The following NCAPD3 variants were observed in gnomAD, a reference collection of about 807,000 sequenced individuals.
NCAPD3 encodes condensin-2 complex subunit D3.
A neutral mutation model predicts 182.9 loss-of-function variants in NCAPD3; 105 were observed. The ratio of observed to expected loss-of-function variants is 0.57; its 90% CI spans 0.49 to 0.68. NCAPD3 has a LOEUF of 0.68. NCAPD3 is among the 30% of genes least tolerant of loss of function. NCAPD3 has a pLI of 0.00. For missense variants in NCAPD3, 1,944 were observed against 1,837.0 expected (o/e 1.06, Z -1.07); for synonymous variants, 815 against 679.9 (o/e 1.20, Z -3.09).
At position 134,192,733 on chromosome 11, in the gene NCAPD3, G is replaced by A; in HGVS notation, c.2001C>T (p.Ala667=). 1.2e-6 allele frequency: 2 copies of A among 1,614,224 alleles called. No homozygotes were observed. Among genetic ancestry groups the A allele is most frequent in the African/African-American group, 2.7e-5 (2 of 75,064 alleles). ...FHSGDDSQVL[A]WALLTLLTTE... ...TGGTGAGGAGAGTAAGAAGCGCCCA[G>A]GCGAGGACCTGGCTGTCGTCCCCAG... The change falls in exon 16 of 35, where the codon GCC becomes GCT. Residue 667 remains alanine (A), a synonymous_variant. Transcript: ENST00000534548.
At chr11:134,170,210 T>C (rs562260431) in intron 24 of NCAPD3, among the ~76,000 whole-genome samples, 2 of 152,354 alleles carry the variant, frequency 1.3e-5, no homozygotes, top group East Asian at 3.9e-4. Context: ...GGGAGCAGCT[T>C]GACCTAGAAA....
At chr11:134,210,720 T>G (rs1490617494) in intron 3 of NCAPD3, among the ~76,000 whole-genome samples, 1 of 152,008 alleles carries the variant, frequency 6.6e-6, no homozygotes, top group Non-Finnish European at 1.5e-5. Context: ...GGGCAAAAAT[T>G]TATAAAGTAA....
At chr11:134,214,975 A>G (rs1937963226) in intron 3 of NCAPD3, among the ~76,000 whole-genome samples, 1 of 152,248 alleles carries the variant, frequency 6.6e-6, no homozygotes, top group Non-Finnish European at 1.5e-5. Flanking sequence ...ACAAAATATT[A>G]GCAAACACTC....
At chr11:134,173,165 G>A (rs1944059644) in intron 24 of NCAPD3, 1 of 153,004 alleles carries the variant, frequency 6.5e-6, no homozygotes, top group Admixed American at 6.5e-5. Context: ...TGCAGCCTGT[G>A]GCCAACAGCT....
rs1245106386 is a variant in NCAPD3, at chr11:134,178,829, A to G, written c.2667T>C (p.Ala889=). The G allele has an allele frequency of 6.2e-7, 1 of 1,614,010 alleles. No homozygotes were observed. Among genetic ancestry groups the G allele is most frequent in the East Asian group, 2.2e-5 (1 of 44,902 alleles). Residue 889 remains alanine, a synonymous_variant, in exon 21 of 35, where the codon GCT becomes GCC. Transcript: ENST00000534548. ...IQSVLASSAD[A]DHSPSSQGSS... is the part of the protein sequence containing the mutation. ...TGATTTCAAATGCCTTACAGTGGTC[A>G]GCATCAGCAGACGAAGCCAGGACGG...
chr11:134,201,026 A>ATTT (rs566027829), intron 13 of NCAPD3, among the ~76,000 whole-genome samples: 1 of 140,170 alleles, frequency 7.1e-6, no homozygotes, highest in Non-Finnish European at 1.6e-5. Flanking sequence ...AGAATAGGCA[A>ATTT]TTTTTTTTTT....
At position 134,151,133 on chromosome 11, in the gene NCAPD3, T is replaced by C. The variant is rs1301895997; in HGVS notation, c.*1811A>G. The stretch of plus-strand genomic sequence containing the variant: ...CCACTGTGTGCCTGGAGAATGGCTC[T>C]CACTACTCACCTTGTCTTTCAGCTT... On this transcript the variant is annotated 3_prime_UTR_variant, in exon 35 of 35. Coordinates refer to ENST00000534548, the MANE Select transcript of NCAPD3 (RefSeq NM_015261.3). The C allele has an allele frequency of 6.6e-6, 1 of 152,314 alleles. No homozygotes were observed. Among genetic ancestry groups the C allele is most frequent in the East Asian group, 1.9e-4 (1 of 5,202 alleles). The allele number at this position is 152,314 out of a possible 1,614,324, so 9.4% of individuals were successfully genotyped here. A position where few individuals can be genotyped will look rare whatever the true frequency, so the allele number is the denominator to read the frequency against.
intron 15 of NCAPD3, 61 bp downstream of exon 15, chr11:134,193,955 G>A: frequency 2.6e-6 from 4 of 1,511,930 alleles, no homozygotes; most frequent in Non-Finnish European, 2.7e-6. Context: ...GGTAATTATT[G>A]TGTGGAATTA....
intron 32 of NCAPD3, among the ~76,000 whole-genome samples, chr11:134,154,290 G>A (rs1376026652): frequency 6.6e-6 from 1 of 152,114 alleles, no homozygotes; most frequent in Admixed American, 6.5e-5. Flanking sequence ...TAAATTTACT[G>A]CCCTGCTTCA....
At chr11:134,194,633 TAA>T (rs753066914) in intron 14 of NCAPD3, 30 bp downstream of exon 14, 214 of 1,162,674 alleles carry the variant, frequency 1.8e-4, no homozygotes, top group Admixed American at 4.2e-4. Flanking sequence ...TTTTAGTGCT[TAA>T]AAAAAAAAAT....
chr11:134,164,887 CAT>C (rs1565523024), intron 27 of NCAPD3, among the ~76,000 whole-genome samples: 1 of 140,564 alleles, frequency 7.1e-6, no homozygotes, highest in African/African-American at 2.7e-5. Flanking sequence ...TCACTTGTGA[CAT>C]GAGCTTAGGG....
intron 27 of NCAPD3, among the ~76,000 whole-genome samples, chr11:134,164,524 G>A (rs894428502): frequency 2.6e-5 from 4 of 151,962 alleles, no homozygotes; most frequent in African/African-American, 4.8e-5. Flanking sequence ...GAAGCCAGTA[G>A]ATGGTGAGAA....
At position 134,168,925 on chromosome 11, in the gene NCAPD3, CTG is replaced by C; in HGVS notation, c.3229_3230del (p.Gln1077ValfsTer33). The C allele has an allele frequency of 6.2e-7, 1 of 1,613,078 alleles. No individual in the cohort carries two copies. Among genetic ancestry groups the C allele is most frequent in the Non-Finnish European group, 8.5e-7 (1 of 1,179,440 alleles). On this transcript the variant is annotated frameshift_variant, in exon 25 of 35. Transcript: ENST00000534548. LOFTEE classifies it high-confidence loss of function. The stretch of plus-strand genomic sequence containing the variant: ...TTAGCTGCTTCACTGACCTCTCTGA[CTG>C]GGGGAACTTGTTGTACTTCTCATGC... ...EKHEKYNKFP[Q>X]SEREKRLFSL... is the part of the protein sequence containing the mutation.
At chr11:134,157,589 CTACATCTGA>C (rs1367060383) in intron 31 of NCAPD3, among the ~76,000 whole-genome samples, 1 of 152,186 alleles carries the variant, frequency 6.6e-6, no homozygotes, top group Non-Finnish European at 1.5e-5. Context: ...ACTACATCTA[CTACATCTGA>C]CTTAAGAATG....
chr11:134,192,785 T>A lies in NCAPD3; in HGVS notation c.1949A>T (p.Asn650Ile). 6.2e-7 allele frequency: 1 copy of A among 1,614,252 alleles called. No individual in the cohort carries two copies. Among genetic ancestry groups the A allele is most frequent in the Non-Finnish European group, 8.5e-7 (1 of 1,180,034 alleles). ...GTGAAAATGACTGTGATGCCGGATG[T>A]TCTGCAGCAGCAGCTGGTCCAGGAA... ...LEFLDQLLLQ[N>I]IRHHSHFHSG... Residue 650 changes from asparagine to isoleucine, a missense_variant, in exon 16 of 35, where the codon AAC becomes ATC. Transcript: ENST00000534548.
intron 24 of NCAPD3, among the ~76,000 whole-genome samples, chr11:134,175,462 T>C (rs1003573955): frequency 6.6e-6 from 1 of 152,220 alleles, no homozygotes; most frequent in Non-Finnish European, 1.5e-5. Context: ...ATGTGAAATG[T>C]TCCCCTCCTT....
intron 27 of NCAPD3, among the ~76,000 whole-genome samples, chr11:134,167,147 ACACT>A (rs1412238036): frequency 7.7e-6 from 1 of 129,182 alleles, no homozygotes; most frequent in Non-Finnish European, 1.6e-5. Context: ...GGGGAGGGGC[ACACT>A]CACTAGTGAG....
At chr11:134,202,749 G>A in intron 13 of NCAPD3, 67 bp downstream of exon 13, 2 of 1,178,968 alleles carry the variant, frequency 1.7e-6, no homozygotes, top group South Asian at 1.5e-5. Flanking sequence ...CAAGGTTTTA[G>A]ACTCTACTTA....
chr11:134,213,471 C>A (rs1181997279), intron 3 of NCAPD3, among the ~76,000 whole-genome samples: 1 of 151,860 alleles, frequency 6.6e-6, no homozygotes, highest in Non-Finnish European at 1.5e-5. Context: ...AGACGTGTTA[C>A]CATATCCGGC....
Sources: allele counts gnomAD v4.1 joint callset (sites outside exome capture counted in the v4.1 genomes callset), GRCh38; gene constraint gnomAD v4.1.1; transcripts MANE v1.5; gene names NCBI Gene and HGNC (gene_info 2026-07-23, HGNC 2026-07-21).